APPL1: variants seen among roughly 807,000 people sequenced by gnomAD.
APPL1 encodes adaptor protein, phosphotyrosine interacting with PH domain and leucine zipper 1.
Under a neutral mutation model 106.8 loss-of-function variants are expected in APPL1, and 42 were observed. The ratio of observed to expected loss-of-function variants is 0.39; its 90% confidence interval spans 0.31 to 0.51. The LOEUF is 0.51. APPL1 is among the 20% of genes least tolerant of loss of function. The pLI is 0.75. For synonymous variants in APPL1, 263 were observed against 281.8 expected (o/e 0.93, Z 0.67); for missense variants, 769 against 858.2 (o/e 0.90, Z 1.30).
chr3:57,234,536 G>T (rs1257227855), intron 1 of APPL1, among the ~76,000 whole-genome samples: 2 of 151,890 alleles, frequency 1.3e-5, no homozygotes, highest in Admixed American at 1.3e-4. Flanking sequence ...CTGACCTCGT[G>T]ATCCACCCGC....
At chr3:57,230,030 T>A (rs1424390848) in intron 1 of APPL1, among the ~76,000 whole-genome samples, 1 of 152,212 alleles carries the variant, frequency 6.6e-6, no homozygotes, top group African/African-American at 2.4e-5. Context: ...AGCTAATTTT[T>A]AATGAAGTAG....
chr3:57,234,049 T>C (rs1280514492), intron 1 of APPL1, among the ~76,000 whole-genome samples: 3 of 152,050 alleles, frequency 2.0e-5, no homozygotes, highest in Non-Finnish European at 4.4e-5. Flanking sequence ...ATGTTACTGC[T>C]CCAGCCTGGG....
At chr3:57,253,107 G>T (rs190226515) in intron 12 of APPL1, among the ~76,000 whole-genome samples, 6 of 152,196 alleles carry the variant, frequency 3.9e-5, no homozygotes, top group Non-Finnish European at 8.8e-5. Context: ...AGGCTCTTTG[G>T]GCACTTGAAT....
intron 4 of APPL1, chr3:57,238,319 GCTT>G: frequency 4.1e-6 from 2 of 492,006 alleles, no homozygotes; most frequent in South Asian, 6.9e-5. Context: ...TTACAGATGT[GCTT>G]CTTCTATACG....
rs1485549013 is a variant in APPL1 at position 57,272,503 on chromosome 3, A to ATATC, written c.*2819_*2822dup. ...AAGGCATTTGAGTTAATTTTGCATT[A>ATATC]TATCTAGGAACCATATTATTTAAAA... On this transcript the variant is annotated 3_prime_UTR_variant, in exon 22 of 22. Transcript: ENST00000288266. 1 of 152,204 alleles carries ATATC rather than the reference A, an allele frequency of 6.6e-6. No homozygotes were observed. Among genetic ancestry groups the ATATC allele is most frequent in the Non-Finnish European group, 1.5e-5 (1 of 68,034 alleles). The allele number at this position is 152,204 out of a possible 1,614,324, so 9.4% of individuals were successfully genotyped here. A position where few individuals can be genotyped will look rare whatever the true frequency, so the allele number is the denominator to read the frequency against.
chr3:57,229,478 T>G (rs1175974842), intron 1 of APPL1, among the ~76,000 whole-genome samples: 1 of 152,074 alleles, frequency 6.6e-6, no homozygotes, highest in Non-Finnish European at 1.5e-5. Context: ...AATTGTGGTT[T>G]TTTTTTTTCT....
chr3:57,268,432 A>G lies in APPL1; in HGVS notation c.1928A>G (p.Glu643Gly), dbSNP rs928408527. The G allele has an allele frequency of 1.3e-6, 2 of 1,599,766 alleles. No homozygotes were observed. Among genetic ancestry groups the G allele is most frequent in the African/African-American group, 1.3e-5 (1 of 74,634 alleles). The part of the protein sequence containing the change: ...RRASEKQKEI[E>G]RVKEKQQKEL... ...GCATCAGAAAAACAAAAAGAAATAG[A>G]GAGAGTAAAAGAGAAGCAACAGAAA... The change falls in exon 21 of 22, where the codon GAG (glutamate) becomes GGG (glycine). Residue 643 changes from glutamate (E) to glycine (G), a missense_variant. Physicochemically the swap from Glu to Gly is moderately conservative, Grantham distance 98. Transcript: ENST00000288266.
At position 57,268,411 on chromosome 3, in the gene APPL1, C is replaced by T; in HGVS notation, c.1907C>T (p.Ser636Leu). Reference protein sequence around the residue: ...ALHAELDRRASEKQKEIERVK... With the variant: ...ALHAELDRRALEKQKEIERVK... ...TCTGTTCTTTAGGATCGTAGGGCAT[C>T]AGAAAAACAAAAAGAAATAGAGAGA... The change falls in exon 21 of 22, where the codon TCA becomes TTA. Residue 636 changes from serine to leucine, a missense_variant. By Grantham distance (145) the Ser-to-Leu change is moderately radical. Coordinates refer to ENST00000288266, the MANE Select transcript of APPL1 (RefSeq NM_012096.3). The T allele has an allele frequency of 6.3e-7, 1 of 1,587,474 alleles. No homozygotes were observed. Among genetic ancestry groups the T allele is most frequent in the Non-Finnish European group, 8.6e-7 (1 of 1,164,078 alleles).
intron 1 of APPL1, among the ~76,000 whole-genome samples, chr3:57,233,952 C>T (rs2060702578): frequency 6.6e-6 from 1 of 151,966 alleles, no homozygotes; most frequent in Non-Finnish European, 1.5e-5. Context: ...GACATGGTGG[C>T]ACATGCCTGT....
intron 4 of APPL1, 55 bp from the exon 5 acceptor site, chr3:57,240,410 A>G (rs2107599360): frequency 7.5e-7 from 1 of 1,333,140 alleles, no homozygotes; most frequent in East Asian, 2.3e-5. Flanking sequence ...TTTACATAAC[A>G]CTGGTTAAAT....
intron 13 of APPL1, among the ~76,000 whole-genome samples, chr3:57,254,693 C>T (rs1489585678): frequency 3.0e-4 from 45 of 152,234 alleles, no homozygotes; most frequent in African/African-American, 9.6e-4. Context: ...GGTGCTATCT[C>T]AGCCCACTGC....
chr3:57,252,307 A>G lies in APPL1; in HGVS notation c.1091A>G (p.Glu364Gly), dbSNP rs2060809120. Residue 364 changes from glutamate (E) to glycine (G), a missense_variant, in exon 12 of 22, where the codon GAA becomes GGA. Glu to Gly is a moderately conservative substitution (Grantham distance 98). Transcript: ENST00000288266. ...ILQAESKKDH[E>G]EWICTINNIS... is the part of the protein sequence containing the mutation. ...CAAGCAGAGAGTAAAAAAGATCATGAAGAGGTAAGATTTTACCTAGTTCAT... is the reference window on the plus strand; with the variant it reads ...CAAGCAGAGAGTAAAAAAGATCATGGAGAGGTAAGATTTTACCTAGTTCAT... 2 of 1,604,566 alleles carry G rather than the reference A, an allele frequency of 1.2e-6. No homozygotes were observed. The highest frequency in any genetic ancestry group is 1.7e-6 in the Non-Finnish European group (2 of 1,174,762).
intron 8 of APPL1, 101 bp downstream of exon 8, chr3:57,246,323 T>A (rs1369910620): frequency 1.2e-6 from 1 of 844,528 alleles, no homozygotes; most frequent in South Asian, 4.7e-5. Context: ...ATTTTCAACA[T>A]CCTTGTTTAT....
chr3:57,227,731 A>G lies in APPL1; in HGVS notation c.-153A>G, dbSNP rs578118925. ...AGGCCGAGGGGGCGGGATTTCCCGC[A>G]CGGCCGCTCGGCGCCTGGAGAAGGC... On this transcript the variant is annotated 5_prime_UTR_variant, in exon 1 of 22. Transcript: ENST00000288266. 6.1e-5 allele frequency: 36 copies of G among 588,956 alleles called. No individual in the cohort carries two copies. The highest frequency in any genetic ancestry group is 8.7e-5 in the Non-Finnish European group (35 of 400,982). 36.5% of individuals were successfully genotyped at this position (588,956 alleles called of 1,614,324 possible).
rs548102394 is a variant in APPL1, at chr3:57,260,030, C to T, written c.1658+11C>T. ...TTGTGACTGTTTAAAGTAAGTAAAA[C>T]CCTCCCTTAAAAAACTGTAGAAAAA... is the stretch of plus-strand genomic sequence containing the variant. On this transcript the variant is annotated intron_variant, in intron 17 of 21. Coordinates refer to ENST00000288266, the MANE Select transcript of APPL1 (RefSeq NM_012096.3). 1 of 1,610,018 alleles carries T rather than the reference C, an allele frequency of 6.2e-7. No individual in the cohort carries two copies. Among genetic ancestry groups the T allele is most frequent in the Admixed American group, 1.7e-5 (1 of 58,676 alleles).
At chr3:57,235,494 C>A in intron 1 of APPL1, 72 bp from the exon 2 acceptor site, 1 of 1,003,058 alleles carries the variant, frequency 1.0e-6, no homozygotes, top group South Asian at 1.9e-5. Context: ...TTTTTGCTTC[C>A]TTTAGAAAAA....
rs748363428 is a variant in APPL1 at position 57,242,152 on chromosome 3, A to T, written c.415+10A>T. 1 of 1,587,964 alleles carries T rather than the reference A, an allele frequency of 6.3e-7. No individual in the cohort carries two copies. The highest frequency in any genetic ancestry group is 8.6e-7 in the Non-Finnish European group (1 of 1,160,760). ...CAGATTGCAAGTAATGGTAAGCCCT[A>T]TAATTTGCACACTTATTTCTTGCAG... On this transcript the variant is annotated intron_variant, in intron 6 of 21. Coordinates refer to ENST00000288266, the MANE Select transcript of APPL1 (RefSeq NM_012096.3).
At chr3:57,237,966 TA>T in intron 3 of APPL1, 78 bp from the exon 4 acceptor site, 1 of 1,149,768 alleles carries the variant, frequency 8.7e-7, no homozygotes, top group Non-Finnish European at 1.3e-6. Context: ...TGAAGTTATT[TA>T]AAAATGTAAA....
rs2060936798 is a variant in APPL1 at position 57,271,218 on chromosome 3, T to C, written c.*1531T>C. 6.9e-6 allele frequency: 1 copy of C among 145,080 alleles called. No individual in the cohort carries two copies. Among genetic ancestry groups the C allele is most frequent in the African/African-American group, 2.6e-5 (1 of 38,002 alleles). 9.0% of individuals were successfully genotyped at this position (145,080 alleles called of 1,614,324 possible). The stretch of plus-strand genomic sequence containing the variant: ...TTTAGGTCTCAAAATATAACTCAGC[T>C]GTTTCACACTGTATATGTACATTGT... On this transcript the variant is annotated 3_prime_UTR_variant, in exon 22 of 22. Transcript: ENST00000288266.
Sources: allele counts gnomAD v4.1 joint callset (sites outside exome capture counted in the v4.1 genomes callset), GRCh38; gene constraint gnomAD v4.1.1; transcripts MANE v1.5; gene names NCBI Gene and HGNC (gene_info 2026-07-23, HGNC 2026-07-21).